Variants in IP6K1 observed in about 807,000 individuals in gnomAD.
The protein encoded by IP6K1 is ATP:1D-myo-inositol-hexakisphosphate phosphotransferase.
Under a neutral mutation model 38.3 loss-of-function variants are expected in IP6K1, and 13 were observed. That is an observed-to-expected ratio of 0.34 (90% CI 0.22 to 0.54). The LOEUF is 0.54. IP6K1 is among the 20% of genes least tolerant of loss of function. The probability of loss-of-function intolerance (pLI) is 0.92; values close to 1 mark genes in which losing one functional copy is unlikely to be tolerated. For missense variants in IP6K1, 397 were observed against 599.8 expected (o/e 0.66, Z 3.53); for synonymous variants, 212 against 229.9 (o/e 0.92, Z 0.70).
chr3:49,756,554 A>C (rs1169160242), intron 1 of IP6K1, among the ~76,000 whole-genome samples: 1 of 152,210 alleles, frequency 6.6e-6, no homozygotes, highest in South Asian at 2.1e-4. Context: ...GCAGTGGCTC[A>C]TGCCTGTAAT....
rs779874406 is a variant in IP6K1 at position 49,732,776 on chromosome 3, G to A, written c.616+15C>T. On this transcript the variant is annotated intron_variant, in intron 4 of 5. Coordinates refer to ENST00000321599, the MANE Select transcript of IP6K1 (RefSeq NM_153273.4). ...GACCCAGTAGACACTCCTGAAGGAG[G>A]GGCAACGAGGATACTGTAGAGCTTT... is the stretch of plus-strand genomic sequence containing the variant. The A allele has an allele frequency of 7.5e-6, 12 of 1,602,362 alleles. No homozygotes were observed. In the South Asian group the frequency reaches 7.8e-5, roughly 10 times the overall value.
In IP6K1 at chr3:49,727,781, G is replaced by T; in HGVS notation, c.793-126C>A. On this transcript the variant is annotated intron_variant, in intron 5 of 5. Coordinates refer to ENST00000321599, the MANE Select transcript of IP6K1 (RefSeq NM_153273.4). The surrounding 1 kb of genome is among the most constrained non-coding windows in gnomAD (Gnocchi z 5.9). ...GCTTTTCTGCTCACCTATCTAAGTG[G>T]AACCAGGCAGGCCACATTCACCCTG... The T allele has an allele frequency of 1.0e-6, 1 of 968,694 alleles. No homozygotes were observed. The highest frequency in any genetic ancestry group is 1.5e-6 in the Non-Finnish European group (1 of 662,734). The allele number at this position is 968,694 out of a possible 1,614,324, so 60.0% of individuals were successfully genotyped here.
chr3:49,731,691 T>C (rs1197027250), intron 4 of IP6K1, among the ~76,000 whole-genome samples: 1 of 152,008 alleles, frequency 6.6e-6, no homozygotes, highest in African/African-American at 2.4e-5. Context: ...ATCCAGTTGT[T>C]ATTTGTCTAC....
chr3:49,749,926 C>A (rs961808835), intron 1 of IP6K1, among the ~76,000 whole-genome samples: 1 of 151,850 alleles, frequency 6.6e-6, no homozygotes, highest in Non-Finnish European at 1.5e-5. Context: ...GCAACTCTGC[C>A]CCAGGTAGTA....
intron 1 of IP6K1, among the ~76,000 whole-genome samples, chr3:49,766,323 C>T (rs1014577500): frequency 6.6e-6 from 1 of 151,496 alleles, no homozygotes; most frequent in Admixed American, 6.6e-5. Context: ...GAGCCAAGAT[C>T]GCGCCACTGC....
Position 49,727,464 on chromosome 3 carries a change from G to GT in IP6K1, c.983dup (p.Tyr328Ter). 6.2e-7 allele frequency: 1 copy of GT among 1,614,128 alleles called. No individual in the cohort carries two copies. The highest frequency in any genetic ancestry group is 8.5e-7 in the Non-Finnish European group (1 of 1,180,032). ...CAAGCAGGGAACTGGAGTAGAAGCGGTAAGAGGCCTGCCGCTCCAGCACAG... is the reference window on the plus strand; with the variant it reads ...CAAGCAGGGAACTGGAGTAGAAGCGGTTAAGAGGCCTGCCGCTCCAGCACAG... ...LKAVLERQAS[Y>*]RFYSSSLLVI... The change falls in exon 6 of 6, where the codon TAC becomes TAAC. Residue 328 changes from tyrosine to a stop codon, truncating the protein, a stop_gained and frameshift_variant. Transcript: ENST00000321599. LOFTEE classifies it high-confidence loss of function. The surrounding 1 kb of genome is among the most constrained non-coding windows in gnomAD (Gnocchi z 5.9).
intron 1 of IP6K1, among the ~76,000 whole-genome samples, chr3:49,764,846 T>C (rs1219551522): frequency 2.7e-5 from 4 of 148,228 alleles, no homozygotes; most frequent in African/African-American, 1.0e-4. Context: ...CACTGCACTA[T>C]AGCCTGGGTG....
chr3:49,737,075 T>C (rs2080619725), intron 3 of IP6K1, among the ~76,000 whole-genome samples: 1 of 148,408 alleles, frequency 6.7e-6, no homozygotes, highest in Admixed American at 6.7e-5. Flanking sequence ...CCTGGCCTTT[T>C]TTTTTTTTTT....
intron 1 of IP6K1, among the ~76,000 whole-genome samples, chr3:49,759,640 T>A (rs943258516): frequency 6.6e-6 from 1 of 152,210 alleles, no homozygotes; most frequent in Non-Finnish European, 1.5e-5. Context: ...ACATCCATCA[T>A]GTAGATAAAG....
intron 2 of IP6K1, among the ~76,000 whole-genome samples, chr3:49,745,727 T>G (rs976306659): frequency 1.5e-5 from 2 of 135,974 alleles, no homozygotes; most frequent in African/African-American, 5.2e-5. Flanking sequence ...TGGTGGCACA[T>G]GCCTGTAATC....
intron 2 of IP6K1, among the ~76,000 whole-genome samples, chr3:49,740,120 C>G (rs2080652691): frequency 6.6e-6 from 1 of 151,934 alleles, no homozygotes; most frequent in East Asian, 1.9e-4. Context: ...GAGTTCAAGA[C>G]CAGCCTGAGC....
At chr3:49,736,858 G>A (rs1413040436) in intron 3 of IP6K1, among the ~76,000 whole-genome samples, 1 of 147,668 alleles carries the variant, frequency 6.8e-6, no homozygotes, top group East Asian at 2.0e-4. Flanking sequence ...TACAAGCTCC[G>A]CCTCCTGGGT....
chr3:49,738,995 G>GT (rs2080641355), intron 2 of IP6K1, among the ~76,000 whole-genome samples: 1 of 152,142 alleles, frequency 6.6e-6, no homozygotes, highest in Non-Finnish European at 1.5e-5. Flanking sequence ...TGCTGTATCC[G>GT]TAATAGTTTT....
chr3:49,734,734 T>C (rs2080592159), intron 3 of IP6K1, among the ~76,000 whole-genome samples: 1 of 152,170 alleles, frequency 6.6e-6, no homozygotes, highest in Non-Finnish European at 1.5e-5. Context: ...GTGAAACCCT[T>C]TAGGAAACAG....
chr3:49,728,948 C>T (rs971991913), intron 4 of IP6K1, among the ~76,000 whole-genome samples: 1 of 137,094 alleles, frequency 7.3e-6, no homozygotes, highest in Non-Finnish European at 1.5e-5. Context: ...GGACTACAGG[C>T]ATGCCTAATT....
At chr3:49,785,976 GCTAT>G (rs903479239) in intron 1 of IP6K1, 26 of 152,282 alleles carry the variant, frequency 1.7e-4, no homozygotes, top group African/African-American at 6.0e-4. Flanking sequence ...TCGCAGGAAC[GCTAT>G]CTAAGAAAGA....
chr3:49,727,641 G>A lies in IP6K1; in HGVS notation c.807C>T (p.Asp269=). 1 of 1,613,600 alleles carries A rather than the reference G, an allele frequency of 6.2e-7. No individual in the cohort carries two copies. Among genetic ancestry groups the A allele is most frequent in the Non-Finnish European group, 8.5e-7 (1 of 1,179,566 alleles). The change falls in exon 6 of 6, where the codon GAC becomes GAT. Residue 269 remains aspartate (D), a synonymous_variant. Coordinates refer to ENST00000321599, the MANE Select transcript of IP6K1 (RefSeq NM_153273.4). The surrounding 1 kb of genome is among the most constrained non-coding windows in gnomAD (Gnocchi z 5.9). The stretch of plus-strand genomic sequence containing the variant: ...TGTTCCTGCAGAGGTAATGCCCTGT[G>A]TCCAGCTGGTACACCTGAAACCCCA... ...RVCGMQVYQL[D]TGHYLCRNKY...
chr3:49,759,487 A>C (rs923953544), intron 1 of IP6K1, among the ~76,000 whole-genome samples: 8 of 152,154 alleles, frequency 5.3e-5, no homozygotes, highest in Non-Finnish European at 8.8e-5. Context: ...TTGGACCTCC[A>C]TCTCAAGGGC....
At chr3:49,758,314 C>CAAAAA (rs11359274) in intron 1 of IP6K1, among the ~76,000 whole-genome samples, 1 of 54,400 alleles carries the variant, frequency 1.8e-5, no homozygotes, top group Non-Finnish European at 3.3e-5. Context: ...GACTCCATCT[C>CAAAAA]AAAAAAAAAA....
Sources: gnomAD v4.1 joint callset for allele counts (sites outside exome capture counted in the v4.1 genomes callset) on GRCh38, gnomAD v4.1.1 for gene constraint, Gnocchi (gnomAD v3.1) non-coding constraint, MANE v1.5 for transcripts, NCBI Gene and HGNC (gene_info 2026-07-23, HGNC 2026-07-21) for gene names.